The following VPS13C variants were observed in gnomAD, a reference collection of about 807,000 sequenced individuals.
VPS13C encodes the protein intermembrane lipid transfer protein VPS13C.
In VPS13C, 358 loss-of-function variants were observed where a neutral mutation model predicts 456.8. The observed-to-expected ratio is 0.78, with a 90% CI of 0.72 to 0.86. The LOEUF (loss-of-function observed/expected upper bound fraction) is 0.86, where lower values mean the gene tolerates loss of function less well. VPS13C is among the 40% of genes least tolerant of loss of function. The pLI, the probability that VPS13C is intolerant of heterozygous loss-of-function variation, is 0.00. For synonymous variants in VPS13C, 1,578 were observed against 1,486.7 expected (o/e 1.06, Z -1.41); for missense variants, 4,818 against 4,385.4 (o/e 1.10, Z -2.79).
At position 61,916,711 on chromosome 15, in the gene VPS13C, T is replaced by C. The variant is rs186616849; in HGVS notation, c.8055+630A>G. On this transcript the variant is annotated intron_variant, in intron 60 of 84. Transcript: ENST00000644861. ...TTTCATATTTTAAAATATACTGCCA[T>C]ACAGAAATTTTAAAATATTTATCAT... 1.9e-3 allele frequency among the ~76,000 whole-genome samples: 286 copies of C among 152,210 alleles called. 1 individual carries two copies. The highest frequency in any genetic ancestry group is 5.7e-3 in the African/African-American group (237 of 41,550).
At chr15:61,908,101 A>G (rs1416948494) in intron 65 of VPS13C, among the ~76,000 whole-genome samples, 1 of 152,212 alleles carries the variant, frequency 6.6e-6, no homozygotes, top group Non-Finnish European at 1.5e-5. Context: ...CAAAATCTGC[A>G]TCTTAACAAG....
Position 61,973,507 on chromosome 15 carries a change from C to T in VPS13C, c.2564G>A (p.Gly855Asp), listed in dbSNP as rs199880322. 3 of 1,612,408 alleles carry T rather than the reference C, an allele frequency of 1.9e-6. No homozygotes were observed. The highest frequency in any genetic ancestry group is 2.7e-5 in the African/African-American group (2 of 74,924). Residue 855 changes from glycine to aspartate, a missense_variant, in exon 26 of 85, where the codon GGT (glycine) becomes GAT (aspartate). This residue lies in a region of VPS13C where 4,552 missense variants were observed against 4,130.6 expected (regional missense o/e 1.10). Transcript: ENST00000644861. ...RQVSSIPIIS[G>D]GTKGLLGTSL... Reference sequence around the variant, plus strand: ...AGTACCAAGTAGACCTTTTGTACCACCTGAAATAATAGGAATTGAGGATAC... The same window carrying T: ...AGTACCAAGTAGACCTTTTGTACCATCTGAAATAATAGGAATTGAGGATAC...
At chr15:62,052,745 T>A (rs1360433548) in intron 1 of VPS13C, among the ~76,000 whole-genome samples, 1 of 151,022 alleles carries the variant, frequency 6.6e-6, no homozygotes, top group African/African-American at 2.4e-5. Flanking sequence ...ATCTAGCTAG[T>A]CAACCCAAAT....
chr15:62,052,022 T>C (rs1427936127), intron 1 of VPS13C, among the ~76,000 whole-genome samples: 1 of 152,180 alleles, frequency 6.6e-6, no homozygotes, highest in East Asian at 1.9e-4. Context: ...ATACAATTTT[T>C]TTGTGGCAGT....
Position 61,922,491 on chromosome 15 carries a change from C to T in VPS13C, c.6881G>A (p.Arg2294Gln), listed in dbSNP as rs560778934. 1.1e-5 allele frequency: 17 copies of T among 1,613,982 alleles called. No individual in the cohort carries two copies. The highest frequency in any genetic ancestry group is 4.0e-5 in the African/African-American group (3 of 75,006). The change falls in exon 54 of 85, where the codon CGA (arginine) becomes CAA (glutamine). Residue 2294 changes from arginine (R) to glutamine (Q), a missense_variant. Arg to Gln is a conservative substitution (Grantham distance 43, BLOSUM62 1). Transcript: ENST00000644861. ...CTCTGCCAATAATAAAGGTACAGTT[C>T]GATGTCCAAGGCCACATTCTAAGGT... ...QVTLECGLGH[R>Q]TVPLLLAESK...
At chr15:62,056,450 G>A (rs561608909) in intron 1 of VPS13C, among the ~76,000 whole-genome samples, 25 of 152,362 alleles carry the variant, frequency 1.6e-4, no homozygotes, top group East Asian at 5.8e-4. Flanking sequence ...CAGCAGAAGG[G>A]CTCCTTGGTC....
chr15:62,008,854 A>C, intron 13 of VPS13C, 93 bp from the exon 14 acceptor site: 1 of 631,186 alleles, frequency 1.6e-6, no homozygotes, highest in Non-Finnish European at 2.4e-6. Context: ...TGAGACTCCA[A>C]ATACCCTGAA....
chr15:61,992,272 C>T (rs1037851030), intron 16 of VPS13C, among the ~76,000 whole-genome samples: 7 of 152,234 alleles, frequency 4.6e-5, no homozygotes, highest in African/African-American at 1.7e-4. Flanking sequence ...TTAAAATAGT[C>T]CTTAAATCTA....
chr15:62,007,878 G>A (rs914937561), intron 14 of VPS13C, among the ~76,000 whole-genome samples: 3 of 152,056 alleles, frequency 2.0e-5, no homozygotes, highest in African/African-American at 4.8e-5. Flanking sequence ...AGGCCAAGGC[G>A]GGCAGATCAC....
At chr15:61,945,221 G>C (rs1275564441) in intron 45 of VPS13C, among the ~76,000 whole-genome samples, 1 of 152,162 alleles carries the variant, frequency 6.6e-6, no homozygotes, top group Non-Finnish European at 1.5e-5. Flanking sequence ...AAATTACCCA[G>C]TCTCAGGCAG....
Position 61,962,416 on chromosome 15 carries a change from G to A in VPS13C, c.3558C>T (p.Gly1186=), listed in dbSNP as rs763151041. 6.2e-7 allele frequency: 1 copy of A among 1,606,158 alleles called. No homozygotes were observed. The highest frequency in any genetic ancestry group is 1.1e-5 in the South Asian group (1 of 89,362). Reference sequence around the variant, plus strand: ...TATGAAGATAGACAATCTGAATACAGCCAACATTCAGAGACAGCACACCAT... The same window carrying A: ...TATGAAGATAGACAATCTGAATACAACCAACATTCAGAGACAGCACACCAT... ...KVDGVLSLNV[G]CIQIVYLHKF... The change falls in exon 34 of 85, where the codon GGC becomes GGT. Residue 1186 remains glycine (G), a synonymous_variant. Coordinates refer to ENST00000644861, the MANE Select transcript of VPS13C (RefSeq NM_020821.3).
At chr15:62,014,122 T>C in intron 9 of VPS13C, 130 bp from the exon 10 acceptor site, 1 of 518,726 alleles carries the variant, frequency 1.9e-6, no homozygotes, top group East Asian at 3.1e-5. Flanking sequence ...GTATTAGCTA[T>C]CTATTTCTTT....
chr15:62,029,416 C>T (rs1476157347), intron 5 of VPS13C, among the ~76,000 whole-genome samples: 1 of 152,092 alleles, frequency 6.6e-6, no homozygotes, highest in Non-Finnish European at 1.5e-5. Context: ...AAACTGTTAG[C>T]TGATCCCACA....
chr15:61,976,325 GATAC>G (rs1248304178), intron 24 of VPS13C, among the ~76,000 whole-genome samples: 4 of 152,068 alleles, frequency 2.6e-5, no homozygotes, highest in South Asian at 4.1e-4. Flanking sequence ...TCAATAAACT[GATAC>G]ATACAACATG....
At chr15:61,931,579 CTTT>C (rs375639929) in intron 49 of VPS13C, among the ~76,000 whole-genome samples, 3 of 137,960 alleles carry the variant, frequency 2.2e-5, no homozygotes, top group African/African-American at 5.3e-5. Context: ...TAAATTTTTT[CTTT>C]TTTTTTTTTT....
chr15:61,886,614 C>T (rs921260506), intron 67 of VPS13C, among the ~76,000 whole-genome samples: 2 of 152,082 alleles, frequency 1.3e-5, no homozygotes, highest in Admixed American at 6.6e-5. Context: ...CCCAACAAAA[C>T]ATTATTTATG....
rs2045882343 is a variant in VPS13C, at chr15:61,981,410, C to A, written c.2098G>T (p.Val700Leu). The A allele has an allele frequency of 2.5e-6, 4 of 1,612,566 alleles. No individual in the cohort carries two copies. The East Asian group carries it at 6.7e-5, about 27-fold the overall frequency. Residue 700 changes from valine to leucine, a missense_variant, in exon 22 of 85, where the codon GTA becomes TTA. Physicochemically the swap from Val to Leu is conservative, Grantham distance 32. This residue lies in a region of VPS13C where 4,552 missense variants were observed against 4,130.6 expected (regional missense o/e 1.10). Coordinates refer to ENST00000644861, the MANE Select transcript of VPS13C (RefSeq NM_020821.3). Reference sequence around the variant, plus strand: ...TGGTGGAAACCCGTCTGTGGAACTACTAGATAAGAAGGCTTCAGATTTATC... The same window carrying A: ...TGGTGGAAACCCGTCTGTGGAACTAATAGATAAGAAGGCTTCAGATTTATC... ...LRINLKPSYL[V>L]VPQTGFHHEK...
chr15:61,979,805 A>C (rs1205897223), intron 22 of VPS13C, among the ~76,000 whole-genome samples: 1 of 152,202 alleles, frequency 6.6e-6, no homozygotes, highest in East Asian at 1.9e-4. Flanking sequence ...AATCAGCTAC[A>C]GACAAGGGTA....
At chr15:61,910,929 C>T (rs553430736) in intron 63 of VPS13C, among the ~76,000 whole-genome samples, 2 of 152,064 alleles carry the variant, frequency 1.3e-5, no homozygotes, top group South Asian at 4.2e-4. Context: ...CAAACCCACA[C>T]AAAGATTAAA....
Sources: gnomAD v4.1 joint callset for allele counts (sites outside exome capture counted in the v4.1 genomes callset) on GRCh38, gnomAD v4.1.1 for gene constraint, gnomAD v4.1.1 regional missense constraint, MANE v1.5 for transcripts, NCBI Gene and HGNC (gene_info 2026-07-23, HGNC 2026-07-21) for gene names.